The following SULF1 variants were observed in gnomAD, a reference collection of about 807,000 sequenced individuals.
The protein encoded by SULF1 is sulfatase 1.
Under a neutral mutation model 110.5 loss-of-function variants are expected in SULF1, and 46 were observed. The ratio of observed to expected loss-of-function variants is 0.42; its 90% CI spans 0.33 to 0.53. The LOEUF is 0.53. Among genes scored for constraint, SULF1 ranks in the 20% least tolerant of loss-of-function variants. The pLI is 0.12. For missense variants in SULF1, 941 were observed against 1,094.2 expected, an observed-to-expected ratio of 0.86 and a Z score of 1.98; for synonymous variants, 371 against 387.1, an observed-to-expected ratio of 0.96 and a Z score of 0.49.
intron 12 of SULF1, 55 bp from the exon 13 acceptor site, chr8:69,604,748 G>C (rs1348615084): frequency 1.2e-6 from 2 of 1,605,080 alleles, no homozygotes; most frequent in Non-Finnish European, 1.7e-6. Context: ...GCAGGACTCA[G>C]GGACCGTAAT....
chr8:69,646,257 T>A (rs985472621), intron 22 of SULF1, among the ~76,000 whole-genome samples: 1 of 152,172 alleles, frequency 6.6e-6, no homozygotes, highest in Admixed American at 6.5e-5. Flanking sequence ...GTTTTGTGAG[T>A]CACATTGGTT....
chr8:69,592,119 C>T (rs1481074392), intron 8 of SULF1, among the ~76,000 whole-genome samples: 2 of 152,028 alleles, frequency 1.3e-5, no homozygotes. Flanking sequence ...CAAAGTGGGC[C>T]TCAAAAGATG....
intron 8 of SULF1, among the ~76,000 whole-genome samples, chr8:69,594,550 A>G (rs1209814244): frequency 2.0e-5 from 3 of 152,150 alleles, no homozygotes; most frequent in Non-Finnish European, 2.9e-5. Context: ...GTCAAAGGAA[A>G]AACTCCCTCT....
chr8:69,529,937 G>A (rs1340127717), intron 3 of SULF1, among the ~76,000 whole-genome samples: 1 of 152,198 alleles, frequency 6.6e-6, no homozygotes, highest in Non-Finnish European at 1.5e-5. Context: ...CAAAGGTTTG[G>A]ATACCAGGAG....
At chr8:69,641,620 C>T (rs1005741878) in intron 22 of SULF1, among the ~76,000 whole-genome samples, 1 of 152,002 alleles carries the variant, frequency 6.6e-6, no homozygotes, top group African/African-American at 2.4e-5. Flanking sequence ...CCTGTAGTCC[C>T]AGCTACTCAG....
At chr8:69,549,070 G>T (rs1162542250) in intron 3 of SULF1, among the ~76,000 whole-genome samples, 1 of 152,158 alleles carries the variant, frequency 6.6e-6, no homozygotes, top group East Asian at 1.9e-4. Flanking sequence ...AGATGTGCCA[G>T]ATGCCCTGTG....
intron 3 of SULF1, among the ~76,000 whole-genome samples, chr8:69,505,736 C>G (rs1325168310): frequency 6.6e-6 from 1 of 152,042 alleles, no homozygotes; most frequent in Non-Finnish European, 1.5e-5. Flanking sequence ...ATATAGAGAC[C>G]TATATTTGGG....
At chr8:69,504,034 G>A (rs975613587) in intron 3 of SULF1, among the ~76,000 whole-genome samples, 2 of 151,994 alleles carry the variant, frequency 1.3e-5, no homozygotes, top group South Asian at 2.1e-4. Context: ...TCTTGACCTC[G>A]TGATCTGCCA....
chr8:69,521,334 G>A (rs896161532), intron 3 of SULF1, among the ~76,000 whole-genome samples: 1 of 152,086 alleles, frequency 6.6e-6, no homozygotes, highest in Admixed American at 6.6e-5. Flanking sequence ...CTAATAGCAG[G>A]AGACAGACAA....
intron 22 of SULF1, among the ~76,000 whole-genome samples, chr8:69,646,649 C>T (rs1811932523): frequency 6.6e-6 from 1 of 152,038 alleles, no homozygotes; most frequent in Non-Finnish European, 1.5e-5. Context: ...AATAACTTTC[C>T]CAAGATTACA....
chr8:69,613,353 T>G (rs567085210), intron 13 of SULF1, among the ~76,000 whole-genome samples: 28 of 108,656 alleles, frequency 2.6e-4, no homozygotes, highest in Admixed American at 1.5e-3. Context: ...AATTTTTGGG[T>G]TTTTTTTTTT....
intron 8 of SULF1, among the ~76,000 whole-genome samples, chr8:69,598,320 G>C (rs1381303127): frequency 6.6e-6 from 1 of 152,142 alleles, no homozygotes; most frequent in Non-Finnish European, 1.5e-5. Context: ...CTCTGTTCTA[G>C]GCATTTTAAG....
intron 13 of SULF1, among the ~76,000 whole-genome samples, chr8:69,609,481 C>A (rs183056448): frequency 6.6e-6 from 1 of 152,134 alleles, no homozygotes; most frequent in African/African-American, 2.4e-5. Flanking sequence ...TATTTTTTAA[C>A]GAGGTTAAGA....
At chr8:69,563,778 T>G in intron 4 of SULF1, 138 bp from the exon 5 acceptor site, 1 of 548,286 alleles carries the variant, frequency 1.8e-6, no homozygotes. Flanking sequence ...GGGTTTGCTA[T>G]TTCTGACTCA....
intron 5 of SULF1, among the ~76,000 whole-genome samples, chr8:69,565,022 C>T (rs894745011): frequency 2.6e-5 from 4 of 152,162 alleles, no homozygotes; most frequent in East Asian, 3.8e-4. Flanking sequence ...GCTTCTTTAC[C>T]GAGCTCCTGA....
intron 3 of SULF1, among the ~76,000 whole-genome samples, chr8:69,523,851 G>A (rs1187148659): frequency 6.6e-6 from 1 of 152,092 alleles, no homozygotes; most frequent in Non-Finnish European, 1.5e-5. Flanking sequence ...GGAGCGGGCA[G>A]TTACCAGTAC....
At chr8:69,493,595 A>C (rs1049204625) in intron 1 of SULF1, among the ~76,000 whole-genome samples, 1 of 152,168 alleles carries the variant, frequency 6.6e-6, no homozygotes, top group African/African-American at 2.4e-5. Flanking sequence ...TCACAATTTC[A>C]ATCAGTTGTA....
At chr8:69,558,885 A>T (rs1563529597) in intron 3 of SULF1, among the ~76,000 whole-genome samples, 1 of 152,226 alleles carries the variant, frequency 6.6e-6, no homozygotes. Context: ...TTCTTTTGAA[A>T]ATAATAAATC....
chr8:69,543,257 T>C (rs1294905786), intron 3 of SULF1, among the ~76,000 whole-genome samples: 2 of 152,202 alleles, frequency 1.3e-5, no homozygotes, highest in African/African-American at 4.8e-5. Context: ...ACGTGCAAGA[T>C]ATGCAGGTTT....
Sources: allele counts gnomAD v4.1 joint callset (sites outside exome capture counted in the v4.1 genomes callset), GRCh38; gene constraint gnomAD v4.1.1; transcripts MANE v1.5; gene names NCBI Gene and HGNC (gene_info 2026-07-23, HGNC 2026-07-21).